The following POU6F2 variants were observed in gnomAD, a reference collection of about 807,000 sequenced individuals.
POU6F2 encodes POU class 6 homeobox 2.
In POU6F2, 31 loss-of-function variants were observed where a neutral mutation model predicts 71.3. The ratio of observed to expected loss-of-function variants is 0.43; its 90% CI spans 0.33 to 0.59. The LOEUF (loss-of-function observed/expected upper bound fraction) is 0.59, where lower values mean the gene tolerates loss of function less well. Among genes scored for constraint, POU6F2 ranks in the 20% least tolerant of loss-of-function variants. POU6F2 has a pLI of 0.04. For missense variants in POU6F2, 783 were observed against 856.8 expected, an observed-to-expected ratio of 0.91 and a Z score of 1.07; for synonymous variants, 347 against 355.7, an observed-to-expected ratio of 0.98 and a Z score of 0.27.
chr7:39,460,982 G>A lies in POU6F2; in HGVS notation c.1658+267G>A, dbSNP rs1788936109. ...GGAAATACACTACCCCAGGGTCAGGGGCCTTCCTCCTGGGCCCACACTCCT... is the reference window on the plus strand; with the variant it reads ...GGAAATACACTACCCCAGGGTCAGGAGCCTTCCTCCTGGGCCCACACTCCT... On this transcript the variant is annotated intron_variant, in intron 9 of 9. Transcript: ENST00000518318. This position sits in a 1 kb window ranked among gnomAD's most constrained non-coding sequence, Gnocchi z 4.4. Among the ~76,000 whole-genome samples, 2 of 152,200 alleles carry A rather than the reference G, an allele frequency of 1.3e-5. No homozygotes were observed. The highest frequency in any genetic ancestry group is 4.8e-5 in the African/African-American group (2 of 41,514).
chr7:39,189,857 A>G (rs912169900), intron 2 of POU6F2, among the ~76,000 whole-genome samples: 12 of 152,024 alleles, frequency 7.9e-5, no homozygotes, highest in Non-Finnish European at 1.5e-4. Context: ...CCCAAATCCT[A>G]TCAATCATTC....
At chr7:39,243,929 G>A (rs114159722) in intron 4 of POU6F2, among the ~76,000 whole-genome samples, 4 of 152,076 alleles carry the variant, frequency 2.6e-5, no homozygotes, top group African/African-American at 9.7e-5. Context: ...CAGACCTACA[G>A]TGTTGTCTTC....
chr7:39,284,270 C>G (rs928880907), intron 4 of POU6F2, among the ~76,000 whole-genome samples: 1 of 152,160 alleles, frequency 6.6e-6, no homozygotes, highest in Non-Finnish European at 1.5e-5. Context: ...GTTTGTAGCC[C>G]AAAGTCTTCA....
At position 39,152,092 on chromosome 7, in the gene POU6F2, C is replaced by A. The variant is rs185388987; in HGVS notation, c.278-52143C>A. ...TATACTCATGCAGTGTTGGAAAATG[C>A]AGTGAACCGTGAGTTTTAGTTGGGT... On this transcript the variant is annotated intron_variant, in intron 2 of 9. Coordinates refer to ENST00000518318, the MANE Select transcript of POU6F2 (RefSeq NM_001370959.1). 8.5e-5 allele frequency among the ~76,000 whole-genome samples: 13 copies of A among 152,194 alleles called. No individual in the cohort carries two copies. The East Asian group carries it at 2.5e-3, about 29-fold the overall frequency.
At chr7:39,100,172 T>G (rs1791537750) in intron 2 of POU6F2, among the ~76,000 whole-genome samples, 1 of 152,246 alleles carries the variant, frequency 6.6e-6, no homozygotes, top group South Asian at 2.1e-4. Flanking sequence ...TTAATTGGAA[T>G]TTTCAGATCT....
intron 2 of POU6F2, among the ~76,000 whole-genome samples, chr7:39,143,292 G>A (rs1792545232): frequency 6.6e-6 from 1 of 152,168 alleles, no homozygotes; most frequent in Admixed American, 6.5e-5. Flanking sequence ...TATTCTCTTT[G>A]TGGGCAAGGC....
intron 2 of POU6F2, among the ~76,000 whole-genome samples, chr7:39,142,494 T>C (rs1004739504): frequency 6.6e-6 from 1 of 152,200 alleles, no homozygotes; most frequent in Non-Finnish European, 1.5e-5. Flanking sequence ...CTTTGGTAAC[T>C]AATGAAAAAG....
intron 7 of POU6F2, among the ~76,000 whole-genome samples, chr7:39,444,328 A>G (rs570700365): frequency 6.6e-6 from 1 of 152,358 alleles, no homozygotes; most frequent in East Asian, 1.9e-4. Flanking sequence ...TCGCGCCTAT[A>G]ATCCCAGCAC....
intron 1 of POU6F2, among the ~76,000 whole-genome samples, chr7:39,082,292 A>G (rs1472161306): frequency 1.3e-5 from 2 of 152,154 alleles, no homozygotes; most frequent in African/African-American, 2.4e-5. Flanking sequence ...GCCACATCCT[A>G]TTGCACACAT....
At chr7:39,195,311 T>A (rs1477378284) in intron 2 of POU6F2, among the ~76,000 whole-genome samples, 2 of 152,186 alleles carry the variant, frequency 1.3e-5, no homozygotes, top group Non-Finnish European at 1.5e-5. Flanking sequence ...TGAGGTCTTG[T>A]ACCATGCATA....
At chr7:39,261,933 G>T (rs893333884) in intron 4 of POU6F2, among the ~76,000 whole-genome samples, 5 of 152,110 alleles carry the variant, frequency 3.3e-5, no homozygotes, top group Non-Finnish European at 7.3e-5. Flanking sequence ...TTCTCTCATC[G>T]TGATTTTAGG....
chr7:39,069,374 A>G (rs1411912240), intron 1 of POU6F2, among the ~76,000 whole-genome samples: 1 of 152,214 alleles, frequency 6.6e-6, no homozygotes, highest in Non-Finnish European at 1.5e-5. Context: ...GCTGATGCCC[A>G]GGCTGTGAGG....
intron 2 of POU6F2, among the ~76,000 whole-genome samples, chr7:39,149,100 G>C (rs958634751): frequency 1.3e-5 from 2 of 152,192 alleles, no homozygotes; most frequent in Non-Finnish European, 2.9e-5. Context: ...AAGGGGTCAA[G>C]GGGTTATCAG....
chr7:39,363,268 G>A (rs1786429094), intron 5 of POU6F2, among the ~76,000 whole-genome samples: 3 of 152,082 alleles, frequency 2.0e-5, no homozygotes, highest in African/African-American at 4.8e-5. Flanking sequence ...GAAAACAGAG[G>A]AGTCAAGGAT....
At chr7:39,045,926 A>G (rs1790283644) in intron 1 of POU6F2, among the ~76,000 whole-genome samples, 1 of 151,920 alleles carries the variant, frequency 6.6e-6, no homozygotes, top group South Asian at 2.1e-4. Context: ...TCAGGCAGAT[A>G]CAAGTATTTG....
At chr7:39,158,620 A>G (rs372032192) in intron 2 of POU6F2, among the ~76,000 whole-genome samples, 2 of 152,158 alleles carry the variant, frequency 1.3e-5, no homozygotes, top group African/African-American at 2.4e-5. Flanking sequence ...GAGAACCTGA[A>G]GTTCTCATAT....
At chr7:39,297,286 T>G (rs1032997735) in intron 4 of POU6F2, among the ~76,000 whole-genome samples, 2 of 151,408 alleles carry the variant, frequency 1.3e-5, no homozygotes, top group African/African-American at 4.9e-5. Context: ...AATTCAGCAT[T>G]CCTGTATGAA....
At chr7:39,026,564 C>G (rs1487695046) in intron 1 of POU6F2, among the ~76,000 whole-genome samples, 1 of 151,784 alleles carries the variant, frequency 6.6e-6, no homozygotes, top group East Asian at 1.9e-4. Flanking sequence ...AACACATGGA[C>G]ACAGGAAGGG....
Position 39,468,301 on chromosome 7 carries a change from G to A in POU6F2, c.*3615G>A. The A allele has an allele frequency of 6.6e-6, 1 of 152,066 alleles. No individual in the cohort carries two copies. Among genetic ancestry groups the A allele is most frequent in the East Asian group, 1.9e-4 (1 of 5,170 alleles). 9.4% of individuals were successfully genotyped at this position (152,066 alleles called of 1,614,324 possible). A position where few individuals can be genotyped will look rare whatever the true frequency, so the allele number is the denominator to read the frequency against. ...TCCGTGCCCGGAGCAGGCAGCAGGA[G>A]GGAGGGCAGGAAACAGGACTGGGTT... On this transcript the variant is annotated 3_prime_UTR_variant, in exon 10 of 10. Coordinates refer to ENST00000518318, the MANE Select transcript of POU6F2 (RefSeq NM_001370959.1).
Sources: allele counts gnomAD v4.1 joint callset (sites outside exome capture counted in the v4.1 genomes callset), GRCh38; gene constraint gnomAD v4.1.1; non-coding constraint Gnocchi (gnomAD v3.1); transcripts MANE v1.5; gene names NCBI Gene and HGNC (gene_info 2026-07-23, HGNC 2026-07-21).